NAV3: variants seen among roughly 807,000 people sequenced by gnomAD.
NAV3 encodes the protein neuron navigator 3.
A neutral mutation model predicts 244.7 loss-of-function variants in NAV3; 87 were observed. That is an observed-to-expected ratio of 0.36 (90% confidence interval 0.30 to 0.42). NAV3 has a LOEUF of 0.42. Ranked by LOEUF, NAV3 falls within the 20% of genes least tolerant of loss-of-function variation. The pLI, the probability that NAV3 is intolerant of heterozygous loss-of-function variation, is 1.00. For synonymous variants in NAV3, 1,126 were observed against 1,042.2 expected (o/e 1.08, Z -1.55); for missense variants, 2,663 against 2,893.3 (o/e 0.92, Z 1.83).
chr12:77,827,087 G>A (rs936469026), upstream of NAV3, among the ~76,000 whole-genome samples: 4 of 151,932 alleles, frequency 2.6e-5, no homozygotes, highest in Admixed American at 2.6e-4. Context: ...ACAAAAATTA[G>A]CCAGGCGTAG....
intron 12 of NAV3, among the ~76,000 whole-genome samples, chr12:78,066,688 T>C (rs1593449985): frequency 6.6e-6 from 1 of 152,142 alleles, no homozygotes; most frequent in Admixed American, 6.6e-5. Flanking sequence ...TTTTCATATA[T>C]AATCATGCTT....
At chr12:77,867,799 G>A (rs913361004) in intron 1 of NAV3, among the ~76,000 whole-genome samples, 3 of 152,130 alleles carry the variant, frequency 2.0e-5, no homozygotes, top group Admixed American at 2.0e-4. Flanking sequence ...GTGTTAGAGT[G>A]GACCAGAAAG....
At chr12:77,679,976 C>G (rs112222162) in intron 2 of NAV3, among the ~76,000 whole-genome samples, 13 of 152,096 alleles carry the variant, frequency 8.5e-5, no homozygotes, top group Non-Finnish European at 8.8e-5. Context: ...CATGTCCTTG[C>G]CTTTCATAAG....
At chr12:78,058,777 A>G (rs1250950545) in intron 11 of NAV3, among the ~76,000 whole-genome samples, 1 of 152,200 alleles carries the variant, frequency 6.6e-6, no homozygotes, top group Non-Finnish European at 1.5e-5. Flanking sequence ...CTACTAGGAA[A>G]TATTGATACA....
At chr12:77,873,418 A>G (rs916116452) in intron 1 of NAV3, among the ~76,000 whole-genome samples, 1 of 151,944 alleles carries the variant, frequency 6.6e-6, no homozygotes, top group Non-Finnish European at 1.5e-5. Context: ...TTATAATGAA[A>G]TGATATTTCT....
At chr12:77,588,658 C>T (rs1201739469) in intron 2 of NAV3, among the ~76,000 whole-genome samples, 3 of 152,224 alleles carry the variant, frequency 2.0e-5, no homozygotes, top group South Asian at 2.1e-4. Flanking sequence ...TGCAGACTAT[C>T]TACTGTGTGT....
At chr12:78,182,499 A>G (rs948220995) in intron 30 of NAV3, among the ~76,000 whole-genome samples, 10 of 151,986 alleles carry the variant, frequency 6.6e-5, no homozygotes, top group African/African-American at 2.4e-4. Flanking sequence ...TGAAAATATG[A>G]TAAGGTTTGA....
At position 77,662,774 on chromosome 12, in the gene NAV3, C is replaced by G. The variant is rs998092929; in HGVS notation, c.72+90508C>G. ...ATGTTTCATGCTTTAAATACCATTCCTAGGCTACTTAGACAATGTGCAGAA... is the reference window on the plus strand; with the variant it reads ...ATGTTTCATGCTTTAAATACCATTCGTAGGCTACTTAGACAATGTGCAGAA... On this transcript the variant is annotated intron_variant, in intron 2 of 8. Transcript: ENST00000550042. 2.0e-5 allele frequency among the ~76,000 whole-genome samples: 3 copies of G among 152,096 alleles called. No individual in the cohort carries two copies. The South Asian group carries it at 6.2e-4, about 32-fold the overall frequency.
chr12:77,967,369 C>T (rs1010403599), intron 4 of NAV3, among the ~76,000 whole-genome samples: 5 of 152,100 alleles, frequency 3.3e-5, no homozygotes, highest in Non-Finnish European at 5.9e-5. Context: ...CACTCTCTCA[C>T]TGTAGCCTCA....
intron 18 of NAV3, among the ~76,000 whole-genome samples, chr12:78,129,769 G>T (rs954009073): frequency 2.0e-5 from 3 of 152,006 alleles, no homozygotes; most frequent in East Asian, 3.9e-4. Context: ...AGCCAGAGAC[G>T]ATCATTCCTT....
chr12:77,598,949 A>G (rs747001093), intron 2 of NAV3, among the ~76,000 whole-genome samples: 10 of 151,980 alleles, frequency 6.6e-5, no homozygotes, highest in Admixed American at 5.3e-4. Flanking sequence ...TCTCTAGAAC[A>G]TATTCACCTT....
In NAV3 at chr12:78,006,635, T is replaced by A. The variant is rs766019667; in HGVS notation, c.1097T>A (p.Leu366Gln). Residue 366 changes from leucine to glutamine, a missense_variant, in exon 8 of 40, where the codon CTG becomes CAG. This residue lies in a region of NAV3 where 1,521 missense variants were observed against 1,497.0 expected (regional missense o/e 1.02). Coordinates refer to ENST00000397909, the MANE Select transcript of NAV3 (RefSeq NM_001024383.2). ...TCCCCCACACCATCTTCAGACAGAC[T>A]GAAGCCACCTGTCTCAGAAGGGGTC... is the stretch of plus-strand genomic sequence containing the variant. ...ATSPTPSSDR[L>Q]KPPVSEGVKT... The A allele has an allele frequency of 8.1e-6, 13 of 1,614,016 alleles. No individual in the cohort carries two copies. The highest frequency in any genetic ancestry group is 1.7e-6 in the Non-Finnish European group (2 of 1,180,042).
chr12:78,141,035 G>A (rs1024940130), intron 20 of NAV3, among the ~76,000 whole-genome samples: 2 of 151,810 alleles, frequency 1.3e-5, no homozygotes, highest in Non-Finnish European at 2.9e-5. Flanking sequence ...AGGACTACAG[G>A]CATGCACCAC....
intron 12 of NAV3, among the ~76,000 whole-genome samples, chr12:78,114,104 G>A (rs142970369): frequency 6.6e-4 from 101 of 152,340 alleles, no homozygotes; most frequent in African/African-American, 2.4e-3. Context: ...CTTTGCTCCA[G>A]TTCCCAACAA....
intron 36 of NAV3, chr12:78,199,037 C>T (rs1176582344): frequency 3.6e-6 from 2 of 555,618 alleles, no homozygotes; most frequent in Non-Finnish European, 6.8e-6. Flanking sequence ...AAGAGAGTTG[C>T]TATTTCAGGA....
At position 77,963,681 on chromosome 12, in the gene NAV3, A is replaced by T. The variant is rs1280828168; in HGVS notation, c.415-2548A>T. ...CGCTAACTTAGCTACTCAGGCAATAATGGGGAACATAACTAACTATCTTAA... is the reference window on the plus strand; with the variant it reads ...CGCTAACTTAGCTACTCAGGCAATATTGGGGAACATAACTAACTATCTTAA... On this transcript the variant is annotated intron_variant, in intron 3 of 39. Transcript: ENST00000397909. Among the ~76,000 whole-genome samples, 10 of 152,174 alleles carry T rather than the reference A, an allele frequency of 6.6e-5. 1 individual carries two copies.
intron 24 of NAV3, among the ~76,000 whole-genome samples, chr12:78,170,651 C>T (rs1052339055): frequency 2.0e-5 from 3 of 151,758 alleles, no homozygotes; most frequent in African/African-American, 7.2e-5. Flanking sequence ...CCAGATGATG[C>T]ACATATAGAC....
rs180986703 is a variant in NAV3, at chr12:77,973,764, T to C, written c.671+5062T>C. On this transcript the variant is annotated intron_variant, in intron 5 of 39. Transcript: ENST00000397909. Reference sequence around the variant, plus strand: ...GTATATAAGGAAGTTTAATTTAAGATGACAGGTAGGCTTTAGTAATTTAAG... The same window carrying C: ...GTATATAAGGAAGTTTAATTTAAGACGACAGGTAGGCTTTAGTAATTTAAG... Among the ~76,000 whole-genome samples, 405 of 152,262 alleles carry C rather than the reference T, an allele frequency of 2.7e-3. 4 individuals carry two copies. Among genetic ancestry groups the C allele is most frequent in the African/African-American group, 8.5e-3 (352 of 41,550 alleles).
intron 2 of NAV3, among the ~76,000 whole-genome samples, chr12:77,613,948 T>A (rs1871038595): frequency 6.6e-6 from 1 of 152,140 alleles, no homozygotes; most frequent in Non-Finnish European, 1.5e-5. Context: ...GGCTTCCCCC[T>A]ATAACATGAA....
Sources: gnomAD v4.1 joint callset for allele counts (sites outside exome capture counted in the v4.1 genomes callset) on GRCh38, gnomAD v4.1.1 for gene constraint, gnomAD v4.1.1 regional missense constraint, MANE v1.5 for transcripts, NCBI Gene and HGNC (gene_info 2026-07-23, HGNC 2026-07-21) for gene names.